GPR158: variants seen among roughly 807,000 people sequenced by gnomAD.
GPR158 encodes the protein metabotropic glycine receptor.
A neutral mutation model predicts 78.2 loss-of-function variants in GPR158; 30 were observed. The observed-to-expected ratio is 0.38, with a 90% CI of 0.29 to 0.52. GPR158 has a LOEUF of 0.52. GPR158 is among the 20% of genes least tolerant of loss of function. The probability of loss-of-function intolerance (pLI) is 0.83; values close to 1 mark genes in which losing one functional copy is unlikely to be tolerated. For missense variants in GPR158, 1,463 were observed against 1,523.5 expected, an observed-to-expected ratio of 0.96 and a Z score of 0.66; for synonymous variants, 581 against 591.1, an observed-to-expected ratio of 0.98 and a Z score of 0.25.
intron 4 of GPR158, among the ~76,000 whole-genome samples, chr10:25,433,558 T>TTGG (rs1834946276): frequency 2.4e-5 from 2 of 84,806 alleles, no homozygotes; most frequent in Non-Finnish European, 5.9e-5. Context: ...TGTGTGTGTG[T>TTGG]GTGTGTGTGT....
chr10:25,286,659 G>A (rs1422281185), intron 2 of GPR158, among the ~76,000 whole-genome samples: 2 of 151,910 alleles, frequency 1.3e-5, no homozygotes, highest in Admixed American at 6.6e-5. Flanking sequence ...TATGCATTTG[G>A]TGTAGGACAG....
At chr10:25,591,293 C>T (rs1837336902) in intron 8 of GPR158, among the ~76,000 whole-genome samples, 1 of 152,002 alleles carries the variant, frequency 6.6e-6, no homozygotes, top group African/African-American at 2.4e-5. Flanking sequence ...CCATGGAATC[C>T]CCCCAAACCT....
At chr10:25,291,916 T>C (rs1854442700) in intron 2 of GPR158, among the ~76,000 whole-genome samples, 1 of 152,102 alleles carries the variant, frequency 6.6e-6, no homozygotes, top group Non-Finnish European at 1.5e-5. Context: ...TATTGATATC[T>C]GATGTTTGTG....
At chr10:25,441,206 C>T (rs372294076) in intron 4 of GPR158, among the ~76,000 whole-genome samples, 1 of 152,178 alleles carries the variant, frequency 6.6e-6, no homozygotes, top group East Asian at 1.9e-4. Flanking sequence ...ATTAACTCTT[C>T]TTATTAACTC....
chr10:25,320,135 CAT>C (rs1280391684), intron 2 of GPR158, among the ~76,000 whole-genome samples: 1 of 152,302 alleles, frequency 6.6e-6, no homozygotes, highest in Non-Finnish European at 1.5e-5. Flanking sequence ...TGCCTTTAAG[CAT>C]AGTTTCCTGA....
intron 2 of GPR158, among the ~76,000 whole-genome samples, chr10:25,224,779 G>A (rs1853350846): frequency 6.6e-6 from 1 of 152,066 alleles, no homozygotes; most frequent in South Asian, 2.1e-4. Context: ...TTTCTTTACA[G>A]AGATACAGCT....
chr10:25,375,890 T>C (rs983209369), intron 2 of GPR158, among the ~76,000 whole-genome samples: 2 of 151,674 alleles, frequency 1.3e-5, no homozygotes. Context: ...ATTTTTAATG[T>C]AAGTTAATAA....
intron 2 of GPR158, among the ~76,000 whole-genome samples, chr10:25,289,813 G>A (rs1376002607): frequency 6.6e-6 from 1 of 152,172 alleles, no homozygotes; most frequent in Non-Finnish European, 1.5e-5. Flanking sequence ...AATGTATCAA[G>A]GGATTATGAA....
intron 5 of GPR158, among the ~76,000 whole-genome samples, chr10:25,517,106 C>T (rs1836187632): frequency 6.7e-6 from 1 of 148,726 alleles, no homozygotes; most frequent in African/African-American, 2.6e-5. Context: ...AAGTTGGATT[C>T]CTAGGTATTT....
At chr10:25,223,895 GGCAAACTT>G in intron 2 of GPR158, among the ~76,000 whole-genome samples, 1 of 152,266 alleles carries the variant, frequency 6.6e-6, no homozygotes, top group Middle Eastern at 3.4e-3. Context: ...TTATAAATGA[GGCAAACTT>G]TTCACTGTAA....
chr10:25,339,025 T>C (rs935870231), intron 2 of GPR158, among the ~76,000 whole-genome samples: 8 of 151,222 alleles, frequency 5.3e-5, no homozygotes, highest in African/African-American at 1.2e-4. Context: ...TCTTTCTTTT[T>C]TTTTTTTTTT....
chr10:25,445,751 G>A (rs1043806819), intron 4 of GPR158, among the ~76,000 whole-genome samples: 21 of 151,954 alleles, frequency 1.4e-4, no homozygotes, highest in African/African-American at 4.8e-4. Context: ...AGAGGAGAGA[G>A]GGGGAGAGAG....
Position 25,597,882 on chromosome 10 carries a change from T to G in GPR158, c.2256T>G (p.Arg752=), listed in dbSNP as rs768159120. The part of the protein sequence containing the change: ...KKRCSKKGLG[R]SIMRRITEIP... ...GGTGCTCGAAGAAGGGCCTAGGTCG[T>G]TCCATCATGAGACGCATTACGGAGA... Residue 752 remains arginine, a synonymous_variant, in exon 11 of 11, where the codon CGT becomes CGG. Coordinates refer to ENST00000376351, the MANE Select transcript of GPR158 (RefSeq NM_020752.3). 1 of 1,602,332 alleles carries G rather than the reference T, an allele frequency of 6.2e-7. No individual in the cohort carries two copies. Among genetic ancestry groups the G allele is most frequent in the Non-Finnish European group, 8.5e-7 (1 of 1,175,142 alleles).
rs752976733 is a variant in GPR158 at position 25,412,495 on chromosome 10, A to G, written c.1335+22A>G. Reference sequence around the variant, plus strand: ...AAAGGTAAACCCAGGAACCCTGGTTATGATCCTGTATTACAGAGCAACCTC... The same window carrying G: ...AAAGGTAAACCCAGGAACCCTGGTTGTGATCCTGTATTACAGAGCAACCTC... On this transcript the variant is annotated intron_variant, in intron 4 of 10. Coordinates refer to ENST00000376351, the MANE Select transcript of GPR158 (RefSeq NM_020752.3). 22 of 1,506,202 alleles carry G rather than the reference A, an allele frequency of 1.5e-5. No homozygotes were observed. The South Asian group carries it at 2.1e-4, about 15-fold the overall frequency. The allele number at this position is 1,506,202 out of a possible 1,614,324, so 93.3% of individuals were successfully genotyped here. A position where few individuals can be genotyped will look rare whatever the true frequency, so the allele number is the denominator to read the frequency against.
chr10:25,427,781 A>G (rs1834844930), intron 4 of GPR158, among the ~76,000 whole-genome samples: 2 of 152,044 alleles, frequency 1.3e-5, no homozygotes, highest in Non-Finnish European at 2.9e-5. Flanking sequence ...TTGAATTTAC[A>G]TATTTGTTCC....
chr10:25,474,911 A>AT lies in GPR158; in HGVS notation c.1404+8192_1404+8193insT, dbSNP rs1411028931. On this transcript the variant is annotated intron_variant, in intron 5 of 10. Transcript: ENST00000376351. ...TTAGCATCTGCAGTTAGGCAATAAAAACACTTTCTCATGTTATTTTTGGGA... is the reference window on the plus strand; with the variant it reads ...TTAGCATCTGCAGTTAGGCAATAAAATACACTTTCTCATGTTATTTTTGGGA... Among the ~76,000 whole-genome samples the AT allele has an allele frequency of 2.6e-3, 392 of 152,252 alleles. 2 individuals carry two copies. Among genetic ancestry groups the AT allele is most frequent in the African/African-American group, 9.0e-3 (375 of 41,550 alleles).
At chr10:25,407,215 A>G (rs1834526474) in intron 3 of GPR158, among the ~76,000 whole-genome samples, 1 of 152,222 alleles carries the variant, frequency 6.6e-6, no homozygotes, top group African/African-American at 2.4e-5. Context: ...CAACTTGCAT[A>G]TAAATTCAGA....
chr10:25,299,529 A>G (rs1854561596), intron 2 of GPR158, among the ~76,000 whole-genome samples: 2 of 152,284 alleles, frequency 1.3e-5, no homozygotes, highest in South Asian at 4.1e-4. Flanking sequence ...CACTTAGTAT[A>G]ATATCCTTTA....
rs145805452 is a variant in GPR158, at chr10:25,598,185, G to A, written c.2559G>A (p.Ser853=). 167 of 1,614,086 alleles carry A rather than the reference G, an allele frequency of 1.0e-4. No homozygotes were observed. The African/African-American group carries it at 1.4e-3, about 13-fold the overall frequency. ...TTENSTLESL[S]GKKLTQKLKE... Reference sequence around the variant, plus strand: ...AAAATTCCACACTGGAATCCCTGTCGGGTAAAAAACTAACACAAAAACTAA... The same window carrying A: ...AAAATTCCACACTGGAATCCCTGTCAGGTAAAAAACTAACACAAAAACTAA... The change falls in exon 11 of 11, where the codon TCG becomes TCA. Residue 853 remains serine (S), a synonymous_variant. Transcript: ENST00000376351.
Sources: gnomAD v4.1 joint callset for allele counts (sites outside exome capture counted in the v4.1 genomes callset) on GRCh38, gnomAD v4.1.1 for gene constraint, MANE v1.5 for transcripts, NCBI Gene and HGNC (gene_info 2026-07-23, HGNC 2026-07-21) for gene names.